Variants in CCDC172 observed in about 807,000 individuals in gnomAD.
CCDC172 encodes the protein coiled-coil domain-containing protein 172.
A neutral mutation model predicts 38.0 loss-of-function variants in CCDC172; 30 were observed. The ratio of observed to expected loss-of-function variants is 0.79; its 90% CI spans 0.59 to 1.07. The LOEUF (loss-of-function observed/expected upper bound fraction) is 1.07, where lower values mean the gene tolerates loss of function less well. Among genes scored for constraint, CCDC172 ranks in the 50% least tolerant of loss-of-function variants. CCDC172 has a pLI of 0.00. For missense variants in CCDC172, 297 were observed against 290.1 expected (o/e 1.02, Z -0.17); for synonymous variants, 78 against 88.3 (o/e 0.88, Z 0.66).
intron 5 of CCDC172, among the ~76,000 whole-genome samples, chr10:116,352,566 A>G (rs1844944113): frequency 6.6e-6 from 1 of 152,146 alleles, no homozygotes. Flanking sequence ...AAATTCAACA[A>G]CTTTCATGAT....
chr10:116,326,776 T>C (rs1844598454), intron 3 of CCDC172, among the ~76,000 whole-genome samples: 1 of 152,324 alleles, frequency 6.6e-6, no homozygotes, highest in African/African-American at 2.4e-5. Flanking sequence ...GTATATAGTA[T>C]ACAGTAGTGT....
chr10:116,379,561 C>A lies in CCDC172; in HGVS notation c.*203C>A, dbSNP rs566294917. 5.0e-6 allele frequency: 2 copies of A among 398,550 alleles called. No homozygotes were observed. Among genetic ancestry groups the A allele is most frequent in the South Asian group, 1.8e-4 (2 of 10,852 alleles). 24.7% of individuals were successfully genotyped at this position (398,550 alleles called of 1,614,324 possible). On this transcript the variant is annotated 3_prime_UTR_variant, in exon 9 of 9. Coordinates refer to ENST00000333254, the MANE Select transcript of CCDC172 (RefSeq NM_198515.3). Reference sequence around the variant, plus strand: ...TCTTGTTACTCAAACTTTAAGAGTTCTTCTGTGGTTTGATTTTGTTTCTAA... The same window carrying A: ...TCTTGTTACTCAAACTTTAAGAGTTATTCTGTGGTTTGATTTTGTTTCTAA...
intron 7 of CCDC172, among the ~76,000 whole-genome samples, chr10:116,369,798 G>T (rs1845164740): frequency 6.6e-6 from 1 of 151,966 alleles, no homozygotes; most frequent in African/African-American, 2.4e-5. Flanking sequence ...CTCCATCGAG[G>T]TCATACCATT....
At chr10:116,338,789 C>G (rs988611860) in intron 3 of CCDC172, among the ~76,000 whole-genome samples, 1 of 152,062 alleles carries the variant, frequency 6.6e-6, no homozygotes, top group Non-Finnish European at 1.5e-5. Flanking sequence ...AATAGATTTG[C>G]TTAAGTCTCA....
chr10:116,371,497 T>G (rs1183163019), intron 7 of CCDC172, among the ~76,000 whole-genome samples: 1 of 151,976 alleles, frequency 6.6e-6, no homozygotes, highest in African/African-American at 2.4e-5. Context: ...TGTATGTGTG[T>G]GTATATGTAT....
chr10:116,360,060 ATGTT>A (rs1029847679), intron 7 of CCDC172, among the ~76,000 whole-genome samples: 43 of 152,292 alleles, frequency 2.8e-4, no homozygotes, highest in African/African-American at 9.4e-4. Flanking sequence ...AAATATCAAG[ATGTT>A]TGTTTATTTA....
intron 3 of CCDC172, among the ~76,000 whole-genome samples, chr10:116,336,858 A>G (rs949105795): frequency 9.9e-5 from 15 of 152,146 alleles, no homozygotes; most frequent in African/African-American, 3.6e-4. Flanking sequence ...GTCATTTTCA[A>G]TTTTTAAGTT....
At chr10:116,369,965 A>G (rs1041899249) in intron 7 of CCDC172, among the ~76,000 whole-genome samples, 3 of 151,842 alleles carry the variant, frequency 2.0e-5, no homozygotes, top group African/African-American at 7.2e-5. Context: ...AGTGAATTTG[A>G]GTGTTTATGC....
At chr10:116,326,532 C>CTTT (rs1239929446) in intron 3 of CCDC172, among the ~76,000 whole-genome samples, 2 of 152,164 alleles carry the variant, frequency 1.3e-5, no homozygotes, top group Non-Finnish European at 1.5e-5. Context: ...GAACACTTCT[C>CTTT]CATCTGGCGA....
intron 3 of CCDC172, among the ~76,000 whole-genome samples, chr10:116,332,818 C>T (rs1054780053): frequency 1.1e-4 from 17 of 151,876 alleles, no homozygotes; most frequent in Non-Finnish European, 2.4e-4. Context: ...TCAATACACC[C>T]ATTTCTTATA....
At chr10:116,342,015 T>C (rs1175020472) in intron 4 of CCDC172, 21 bp from the exon 5 acceptor site, 4 of 1,430,352 alleles carry the variant, frequency 2.8e-6, no homozygotes, top group Non-Finnish European at 3.7e-6. Context: ...CTATATTTGA[T>C]CTTTTATTTA....
In CCDC172 at chr10:116,325,223, T is replaced by A. The variant is rs926021668; in HGVS notation, c.80-80T>A. On this transcript the variant is annotated intron_variant, in intron 2 of 8. Transcript: ENST00000333254. ...CATGCCATGCTGAGGGAAAGACAAC[T>A]GAAAGGTGGCTTATCAAACGCCACC... 2.7e-6 allele frequency: 4 copies of A among 1,480,392 alleles called. No individual in the cohort carries two copies. In the African/African-American group the frequency reaches 5.6e-5, roughly 21 times the overall value. The allele number at this position is 1,480,392 out of a possible 1,614,324, so 91.7% of individuals were successfully genotyped here.
rs185996975 is a variant in CCDC172, at chr10:116,348,516, C to T, written c.448+6315C>T. Among the ~76,000 whole-genome samples the T allele has an allele frequency of 7.3e-3, 1,105 of 152,114 alleles. 10 individuals carry two copies. The highest frequency in any genetic ancestry group is 0.01 in the Non-Finnish European group (713 of 67,990). On this transcript the variant is annotated intron_variant, in intron 5 of 8. Coordinates refer to ENST00000333254, the MANE Select transcript of CCDC172 (RefSeq NM_198515.3). ...TTTCTGCTACTCAGTGTTTTTTTCC[C>T]ACTGCCAGATATTATCTTTGATTTA...
intron 6 of CCDC172, 26 bp downstream of exon 6, chr10:116,357,507 T>G: frequency 6.8e-7 from 1 of 1,476,832 alleles, no homozygotes; most frequent in Non-Finnish European, 9.1e-7. Flanking sequence ...GTTAGCTTAT[T>G]TTGCTGATAA....
At chr10:116,361,204 C>T (rs544317436) in intron 7 of CCDC172, among the ~76,000 whole-genome samples, 38 of 152,014 alleles carry the variant, frequency 2.5e-4, no homozygotes, top group African/African-American at 7.0e-4. Flanking sequence ...AGACTGATCT[C>T]GAACTCCTGA....
At chr10:116,343,606 A>T (rs1844827767) in intron 5 of CCDC172, among the ~76,000 whole-genome samples, 1 of 150,328 alleles carries the variant, frequency 6.7e-6, no homozygotes, top group Admixed American at 6.7e-5. Context: ...AAAGTTGCGT[A>T]TCATTCCTTT....
intron 7 of CCDC172, among the ~76,000 whole-genome samples, chr10:116,377,844 T>A (rs1436205897): frequency 2.0e-5 from 3 of 152,118 alleles, no homozygotes; most frequent in Non-Finnish European, 4.4e-5. Context: ...TACTATATAT[T>A]TTTTATCCAC....
chr10:116,325,198 C>T, intron 2 of CCDC172, 105 bp from the exon 3 acceptor site: 1 of 1,457,014 alleles, frequency 6.9e-7, no homozygotes, highest in East Asian at 2.3e-5. Flanking sequence ...GGGGAGCTTG[C>T]ATGCCATGCT....
intron 3 of CCDC172, among the ~76,000 whole-genome samples, chr10:116,327,188 T>C (rs1844602800): frequency 6.6e-6 from 1 of 152,098 alleles, no homozygotes; most frequent in Admixed American, 6.6e-5. Flanking sequence ...AAATGACTTG[T>C]CCACGATATA....
Sources: gnomAD v4.1 joint callset for allele counts (sites outside exome capture counted in the v4.1 genomes callset) on GRCh38, gnomAD v4.1.1 for gene constraint, MANE v1.5 for transcripts, NCBI Gene and HGNC (gene_info 2026-07-23, HGNC 2026-07-21) for gene names.